Variants in PHACTR3 observed in about 807,000 individuals in gnomAD.
PHACTR3 encodes the protein phosphatase and actin regulator 3, also known as protein phosphatase 1, regulatory subunit 123.
In PHACTR3, 16 loss-of-function variants were observed where a neutral mutation model predicts 66.8. That is an observed-to-expected ratio of 0.24 (90% CI 0.16 to 0.36). The LOEUF (loss-of-function observed/expected upper bound fraction) is 0.36. Ranked by LOEUF, PHACTR3 falls within the 10% of genes least tolerant of loss-of-function variation. The probability of loss-of-function intolerance (pLI) is 1.00; values close to 1 mark genes in which losing one functional copy is unlikely to be tolerated. For synonymous variants in PHACTR3, 323 were observed against 292.1 expected (o/e 1.11, Z -1.08); for missense variants, 647 against 719.9 (o/e 0.90, Z 1.16).
intron 7 of PHACTR3, among the ~76,000 whole-genome samples, chr20:59,778,253 C>G (rs984299329): frequency 6.6e-6 from 1 of 152,146 alleles, no homozygotes; most frequent in African/African-American, 2.4e-5. Flanking sequence ...TGGATAATGT[C>G]ACCTCTTGCT....
chr20:59,818,049 G>A (rs771646025), intron 8 of PHACTR3, among the ~76,000 whole-genome samples: 52 of 152,178 alleles, frequency 3.4e-4, no homozygotes, highest in Non-Finnish European at 6.5e-4. Context: ...AGTATCCTAG[G>A]GAGCCTCAGC....
chr20:59,777,064 G>A (rs1418554038), intron 7 of PHACTR3, among the ~76,000 whole-genome samples: 5 of 152,148 alleles, frequency 3.3e-5, no homozygotes, highest in South Asian at 2.1e-4. Context: ...TGCTCCCTGC[G>A]AGTGCTCCAA....
rs992922236 is a variant in PHACTR3, at chr20:59,738,273, C to T, written c.119-4834C>T. Among the ~76,000 whole-genome samples, 1 of 152,034 alleles carries T rather than the reference C, an allele frequency of 6.6e-6. No homozygotes were observed. Among genetic ancestry groups the T allele is most frequent in the African/African-American group, 2.4e-5 (1 of 41,388 alleles). On this transcript the variant is annotated intron_variant, in intron 1 of 12. Coordinates refer to ENST00000371015, the MANE Select transcript of PHACTR3 (RefSeq NM_080672.5). The surrounding 1 kb of genome is among the most constrained non-coding windows in gnomAD (Gnocchi z 4.4). ...CCAGCCCCCATGTTCTTCACAGCTACGTCACACTGGCTTCCATGGCACATG... is the reference window on the plus strand; with the variant it reads ...CCAGCCCCCATGTTCTTCACAGCTATGTCACACTGGCTTCCATGGCACATG...
intron 7 of PHACTR3, among the ~76,000 whole-genome samples, chr20:59,788,144 A>G (rs1016872215): frequency 1.3e-5 from 2 of 152,000 alleles, no homozygotes; most frequent in African/African-American, 2.4e-5. Flanking sequence ...CCATTGTATC[A>G]TTCTTATGCC....
chr20:59,729,000 G>A (rs2038667568), intron 1 of PHACTR3, among the ~76,000 whole-genome samples: 1 of 152,244 alleles, frequency 6.6e-6, no homozygotes, highest in East Asian at 1.9e-4. Flanking sequence ...CCTCCCTTGA[G>A]GGGCTGCTTA....
intron 1 of PHACTR3, among the ~76,000 whole-genome samples, chr20:59,584,028 G>A (rs79797399): frequency 0.011 from 1,663 of 152,382 alleles, 27 homozygotes; most frequent in East Asian, 0.084. Flanking sequence ...GAAGGTTCCT[G>A]CACCAGGCAT....
At chr20:59,591,183 C>T (rs2033173212) in intron 1 of PHACTR3, among the ~76,000 whole-genome samples, 1 of 152,208 alleles carries the variant, frequency 6.6e-6, no homozygotes, top group African/African-American at 2.4e-5. Context: ...TGCACCAGCC[C>T]CAGCCTGCCC....
At chr20:59,602,206 C>T (rs559982178), upstream of PHACTR3, among the ~76,000 whole-genome samples, 1 of 152,112 alleles carries the variant, frequency 6.6e-6, no homozygotes, top group Admixed American at 6.5e-5. Flanking sequence ...GAGTTAGTGC[C>T]GTGGTCCCCC....
At chr20:59,638,583 G>A (rs1427485703) in intron 1 of PHACTR3, among the ~76,000 whole-genome samples, 1 of 150,970 alleles carries the variant, frequency 6.6e-6, no homozygotes, top group Non-Finnish European at 1.5e-5. Context: ...GTGCGTGAGT[G>A]GATGGATGGA....
chr20:59,710,542 A>G (rs778181122), intron 1 of PHACTR3, among the ~76,000 whole-genome samples: 4 of 152,076 alleles, frequency 2.6e-5, no homozygotes, highest in Non-Finnish European at 4.4e-5. Context: ...ATTTCCCACT[A>G]TTTTTAACCA....
chr20:59,633,834 A>G (rs2034754576), intron 1 of PHACTR3, among the ~76,000 whole-genome samples: 2 of 152,170 alleles, frequency 1.3e-5, no homozygotes, highest in Admixed American at 1.3e-4. Flanking sequence ...TTTGAGTGGT[A>G]TAATAGGGCG....
intron 1 of PHACTR3, among the ~76,000 whole-genome samples, chr20:59,694,931 C>A (rs935682637): frequency 1.3e-5 from 2 of 152,138 alleles, no homozygotes; most frequent in African/African-American, 4.8e-5. Context: ...TTCTTCTAGG[C>A]ATGGCTTTGA....
intron 7 of PHACTR3, among the ~76,000 whole-genome samples, chr20:59,786,555 A>T (rs2040922068): frequency 6.6e-6 from 1 of 152,174 alleles, no homozygotes; most frequent in Non-Finnish European, 1.5e-5. Flanking sequence ...CAGGGTGGCC[A>T]TTGTGCGCGG....
rs117348998 is a variant in PHACTR3, at chr20:59,578,095, C to T, written c.109+478C>T. Among the ~76,000 whole-genome samples the T allele has an allele frequency of 1.8e-3, 268 of 152,374 alleles. 1 individual carries two copies. Among genetic ancestry groups the T allele is most frequent in the Admixed American group, 4.3e-3 (66 of 15,312 alleles). On this transcript the variant is annotated intron_variant, in intron 1 of 12. Coordinates refer to the PHACTR3 transcript ENST00000359926. ...CCCCAGGGAGGGCCATGGGCCTCCA[C>T]CCACGTGGGACTGGCCCCTCGCCCC...
At chr20:59,755,684 CT>C (rs2039765248) in intron 4 of PHACTR3, among the ~76,000 whole-genome samples, 1 of 152,208 alleles carries the variant, frequency 6.6e-6, no homozygotes, top group Non-Finnish European at 1.5e-5. Context: ...CAGGAAAGTG[CT>C]CTCTGGAGGG....
chr20:59,760,856 G>C (rs547473125), intron 4 of PHACTR3, among the ~76,000 whole-genome samples: 4 of 152,180 alleles, frequency 2.6e-5, no homozygotes, highest in Admixed American at 2.0e-4. Context: ...TAATTAAAAA[G>C]GAGAGTGACA....
intron 11 of PHACTR3, chr20:59,844,804 T>G (rs1251094443): frequency 6.3e-6 from 1 of 158,378 alleles, no homozygotes; most frequent in Non-Finnish European, 1.4e-5. Flanking sequence ...ATGTTGTGTA[T>G]ATTTCAAAAC....
At chr20:59,613,378 A>G (rs374345937) in intron 1 of PHACTR3, among the ~76,000 whole-genome samples, 16 of 152,302 alleles carry the variant, frequency 1.1e-4, no homozygotes, top group African/African-American at 3.8e-4. Context: ...TCTAGGCAGG[A>G]CAAAGAGGGT....
intron 8 of PHACTR3, among the ~76,000 whole-genome samples, chr20:59,813,713 G>T (rs952780256): frequency 1.3e-5 from 2 of 152,166 alleles, no homozygotes; most frequent in Non-Finnish European, 2.9e-5. Context: ...TACCCTGGGG[G>T]CTGAGAAGGT....
Sources: gnomAD v4.1 joint callset for allele counts (sites outside exome capture counted in the v4.1 genomes callset) on GRCh38, gnomAD v4.1.1 for gene constraint, Gnocchi (gnomAD v3.1) non-coding constraint, MANE v1.5 for transcripts, NCBI Gene and HGNC (gene_info 2026-07-23, HGNC 2026-07-21) for gene names.